The following CNTLN variants were observed in gnomAD, a reference collection of about 807,000 sequenced individuals.
CNTLN encodes centlein, centrosomal protein.
A neutral mutation model predicts 180.0 loss-of-function variants in CNTLN; 212 were observed. That is an observed-to-expected ratio of 1.18 (90% CI 1.05 to 1.32). CNTLN has a LOEUF of 1.32. CNTLN is among the 40% of genes most tolerant of loss of function. The pLI, the probability that CNTLN is intolerant of heterozygous loss-of-function variation, is 0.00. For synonymous variants in CNTLN, 722 were observed against 563.1 expected (o/e 1.28, Z -3.99); for missense variants, 2,095 against 1,610.9 (o/e 1.30, Z -5.14).
At chr9:17,341,352 A>C (rs1207649429) in intron 11 of CNTLN, among the ~76,000 whole-genome samples, 1 of 152,220 alleles carries the variant, frequency 6.6e-6, no homozygotes, top group Non-Finnish European at 1.5e-5. Flanking sequence ...AAGACTAGAG[A>C]AATATGAAAT....
At chr9:17,513,456 G>C in the CNTLN span, among the ~76,000 whole-genome samples, 1 of 152,074 alleles carries the variant, frequency 6.6e-6, no homozygotes, top group Non-Finnish European at 1.5e-5. Context: ...AGCACTTTGG[G>C]AGGCCCAGGC....
chr9:17,174,133 C>A (rs1331061375), intron 2 of CNTLN, among the ~76,000 whole-genome samples: 1 of 152,112 alleles, frequency 6.6e-6, no homozygotes, highest in East Asian at 1.9e-4. Context: ...CAGCATAATT[C>A]TCTGGTGATT....
intron 7 of CNTLN, chr9:17,299,937 C>T (rs1173546025): frequency 4.7e-5 from 12 of 256,300 alleles, no homozygotes; most frequent in Non-Finnish European, 6.7e-5. Flanking sequence ...TCTTTGTGGT[C>T]CTCCCCAGTC....
chr9:17,376,743 A>C (rs1824806382), intron 13 of CNTLN, among the ~76,000 whole-genome samples: 2 of 152,004 alleles, frequency 1.3e-5, no homozygotes. Flanking sequence ...GAGCCACCGC[A>C]CCCGGCCATA....
Position 17,388,147 on chromosome 9 carries a change from T to C in CNTLN, c.1988-15T>C. On this transcript the variant is annotated splice_polypyrimidine_tract_variant and intron_variant, in intron 13 of 25. Transcript: ENST00000380647. ...GTACACGTGGTATCATAATATATTATTTATTCTCTACCAGAACAGCTCTTT... is the reference window on the plus strand; with the variant it reads ...GTACACGTGGTATCATAATATATTACTTATTCTCTACCAGAACAGCTCTTT... 6.4e-7 allele frequency: 1 copy of C among 1,550,926 alleles called. No individual in the cohort carries two copies. The highest frequency in any genetic ancestry group is 2.2e-5 in the East Asian group (1 of 44,458).
At chr9:17,339,022 G>A (rs890353672) in intron 10 of CNTLN, among the ~76,000 whole-genome samples, 2 of 152,230 alleles carry the variant, frequency 1.3e-5, no homozygotes, top group East Asian at 1.9e-4. Flanking sequence ...TTTGCATTAT[G>A]TGTGATTTGT....
intron 12 of CNTLN, among the ~76,000 whole-genome samples, chr9:17,346,686 A>G (rs1250683348): frequency 1.3e-5 from 2 of 152,048 alleles, no homozygotes; most frequent in African/African-American, 4.8e-5. Context: ...TTTGGTCATA[A>G]CATGTCTTGG....
intron 2 of CNTLN, among the ~76,000 whole-genome samples, chr9:17,216,693 TTA>T (rs1243673177): frequency 1.3e-5 from 2 of 152,196 alleles, no homozygotes; most frequent in Non-Finnish European, 2.9e-5. Context: ...TAAGTTTATG[TTA>T]TATTCTCTCA....
intron 8 of CNTLN, among the ~76,000 whole-genome samples, chr9:17,312,350 T>TATATATATATATATATATATATATATA (rs1346380095): frequency 6.1e-5 from 1 of 16,370 alleles, no homozygotes; most frequent in African/African-American, 1.4e-4. Flanking sequence ...TATTTATATA[T>TATATATATATATATATATATATATATA]ATATATATAT....
intron 13 of CNTLN, among the ~76,000 whole-genome samples, chr9:17,383,843 T>A (rs1825460698): frequency 6.6e-6 from 1 of 152,052 alleles, no homozygotes; most frequent in Non-Finnish European, 1.5e-5. Flanking sequence ...TTTCACCGTG[T>A]TAGCCAGGAT....
intron 13 of CNTLN, among the ~76,000 whole-genome samples, chr9:17,379,163 A>C (rs1023778): frequency 0.8 from 121,487 of 151,728 alleles, 49,196 homozygotes; most frequent in Non-Finnish European, 0.86. Flanking sequence ...AGCGTGCCCC[A>C]CTTTTTTCCC....
chr9:17,430,638 T>G (rs1484768330), intron 18 of CNTLN, among the ~76,000 whole-genome samples: 1 of 152,098 alleles, frequency 6.6e-6, no homozygotes, highest in Non-Finnish European at 1.5e-5. Flanking sequence ...TACTGAACAC[T>G]AGAACTTATT....
chr9:17,318,531 C>T (rs1196173350), intron 8 of CNTLN, among the ~76,000 whole-genome samples: 1 of 152,056 alleles, frequency 6.6e-6, no homozygotes, highest in Non-Finnish European at 1.5e-5. Flanking sequence ...TTGATATTGA[C>T]TTATATGTGA....
At chr9:17,347,342 G>A (rs891479815) in intron 12 of CNTLN, among the ~76,000 whole-genome samples, 8 of 152,046 alleles carry the variant, frequency 5.3e-5, no homozygotes, top group South Asian at 2.1e-4. Flanking sequence ...GGTTATGTCC[G>A]GATAAATCCA....
intron 25 of CNTLN, among the ~76,000 whole-genome samples, chr9:17,490,369 A>G (rs1465968420): frequency 3.3e-5 from 5 of 152,076 alleles, no homozygotes; most frequent in Admixed American, 1.3e-4. Context: ...CTGGGTGGAA[A>G]CCAAAAGATG....
chr9:17,338,245 A>C (rs1587700074), intron 10 of CNTLN, among the ~76,000 whole-genome samples: 1 of 146,056 alleles, frequency 6.8e-6, no homozygotes, highest in Non-Finnish European at 1.5e-5. Context: ...GCTCACTGCA[A>C]CCTCTGCCTC....
At chr9:17,411,145 A>AC (rs1827813549) in intron 16 of CNTLN, among the ~76,000 whole-genome samples, 1 of 152,168 alleles carries the variant, frequency 6.6e-6, no homozygotes, top group Admixed American at 6.5e-5. Context: ...CACTCAAGGA[A>AC]CAACATGGTG....
chr9:17,202,146 G>C (rs916721574), intron 2 of CNTLN, among the ~76,000 whole-genome samples: 2 of 152,190 alleles, frequency 1.3e-5, no homozygotes, highest in Admixed American at 6.5e-5. Flanking sequence ...GTGAGGTTTT[G>C]AATGAGTTTC....
At chr9:17,522,743 A>G in the CNTLN span, among the ~76,000 whole-genome samples, 2 of 151,532 alleles carry the variant, frequency 1.3e-5, no homozygotes, top group South Asian at 4.1e-4. Context: ...AAAAAAACCC[A>G]CTTTTTTAAA....
Sources: allele counts gnomAD v4.1 joint callset (sites outside exome capture counted in the v4.1 genomes callset), GRCh38; gene constraint gnomAD v4.1.1; transcripts MANE v1.5; gene names NCBI Gene and HGNC (gene_info 2026-07-23, HGNC 2026-07-21).